RAB26: variants seen among roughly 807,000 people sequenced by gnomAD.
RAB26 encodes ras-related protein Rab-26.
Under a neutral mutation model 33.1 loss-of-function variants are expected in RAB26, and 39 were observed. The ratio of observed to expected loss-of-function variants is 1.18; its 90% confidence interval spans 0.91 to 1.54. RAB26 has a LOEUF of 1.54. Ranked by LOEUF, RAB26 falls within the 40% of genes most tolerant of loss-of-function variation. The pLI, the probability that RAB26 is intolerant of heterozygous loss-of-function variation, is 0.00. For synonymous variants in RAB26, 192 were observed against 151.9 expected (o/e 1.26, Z -1.94); for missense variants, 468 against 362.9 (o/e 1.29, Z -2.35).
At chr16:2,150,102 A>C in intron 2 of RAB26, 51 bp downstream of exon 2, 1 of 1,467,674 alleles carries the variant, frequency 6.8e-7, no homozygotes, top group Non-Finnish European at 9.2e-7. Flanking sequence ...CCGGTACCCG[A>C]GCAGCAAGTT....
chr16:2,150,096 T>C, intron 2 of RAB26, 45 bp downstream of exon 2: 1 of 1,484,368 alleles, frequency 6.7e-7, no homozygotes, highest in South Asian at 1.3e-5. Flanking sequence ...GTCCCGCCGG[T>C]ACCCGAGCAG....
Position 2,153,040 on chromosome 16 carries a change from G to T in RAB26, c.586G>T (p.Ala196Ser), listed in dbSNP as rs202090261. The change falls in exon 7 of 9, where the codon GCC becomes TCC. Residue 196 changes from alanine to serine, a missense_variant. Coordinates refer to ENST00000210187, the MANE Select transcript of RAB26 (RefSeq NM_014353.5). The stretch of plus-strand genomic sequence containing the variant: ...GAAGAGGGAGGACGGGGAGAAGCTG[G>T]CCAAGGTGAGTCAGGGCAGGGGGGT... ...VVKREDGEKL[A>S]KEYGLPFMET... is the part of the protein sequence containing the mutation. The T allele has an allele frequency of 3.2e-4, 507 of 1,606,592 alleles. 3 individuals carry two copies. The Admixed American group carries it at 4.1e-3, about 13-fold the overall frequency.
Position 2,151,843 on chromosome 16 carries a change from C to A in RAB26, c.416-13C>A, listed in dbSNP as rs9925752. The A allele has an allele frequency of 1.9e-6, 3 of 1,614,078 alleles. No individual in the cohort carries two copies. In the Admixed American group the frequency reaches 5.0e-5, roughly 27 times the overall value. On this transcript the variant is annotated splice_polypyrimidine_tract_variant and intron_variant, in intron 4 of 8. Transcript: ENST00000210187. ...AGGTGATGGTGGATGTCCTCACTGC[C>A]CTCTGTCCCCAGCTCTGCTGCTGCT... is the stretch of plus-strand genomic sequence containing the variant.
At position 2,153,068 on chromosome 16, in the gene RAB26, T is replaced by C. The variant is rs746473143; in HGVS notation, c.591+23T>C. The C allele has an allele frequency of 7.4e-6, 12 of 1,611,118 alleles. No homozygotes were observed. In the Admixed American group the frequency reaches 1.2e-4, roughly 16 times the overall value. On this transcript the variant is annotated intron_variant, in intron 7 of 8. Coordinates refer to ENST00000210187, the MANE Select transcript of RAB26 (RefSeq NM_014353.5). ...AAGGTGAGTCAGGGCAGGGGGGTGG[T>C]GAGGGGGTGCCCCTGGAGGCTGCGA...
At chr16:2,152,185 G>T (rs1017185487) in intron 5 of RAB26, among the ~76,000 whole-genome samples, 1 of 152,196 alleles carries the variant, frequency 6.6e-6, no homozygotes, top group Non-Finnish European at 1.5e-5. Flanking sequence ...CAGGCATGGC[G>T]GCTCACCTGA....
At chr16:2,150,260 T>G (rs1430342410) in intron 2 of RAB26, among the ~76,000 whole-genome samples, 1 of 152,172 alleles carries the variant, frequency 6.6e-6, no homozygotes, top group African/African-American at 2.4e-5. Context: ...AGGGACCATA[T>G]CCTGTGCCTT....
chr16:2,149,220 T>A (rs1366277440), intron 1 of RAB26, among the ~76,000 whole-genome samples: 1 of 149,920 alleles, frequency 6.7e-6, no homozygotes, highest in Non-Finnish European at 1.5e-5. Context: ...GCACAAGGGG[T>A]CCCGCGCCCC....
intron 1 of RAB26, 72 bp from the exon 2 acceptor site, chr16:2,149,869 A>C: frequency 8.2e-7 from 1 of 1,226,824 alleles, no homozygotes; most frequent in Non-Finnish European, 1.1e-6. Context: ...CCTGCTCCTC[A>C]CCTGCAGCCC....
At position 2,150,076 on chromosome 16, in the gene RAB26, C is replaced by T; in HGVS notation, c.306+25C>T. 2.6e-6 allele frequency: 4 copies of T among 1,524,476 alleles called. No individual in the cohort carries two copies. The South Asian group carries it at 5.0e-5, about 19-fold the overall frequency. 94.4% of individuals were successfully genotyped at this position (1,524,476 alleles called of 1,614,324 possible). ...GGTGAGTGGAGGCCCTGGCCTGGCC[C>T]CACATCAGAGTCCCGCCGGTACCCG... On this transcript the variant is annotated intron_variant, in intron 2 of 8. Coordinates refer to ENST00000210187, the MANE Select transcript of RAB26 (RefSeq NM_014353.5).
At chr16:2,152,693 CAAAAAAAAAAA>C (rs58347017) in intron 5 of RAB26, 116 bp from the exon 6 acceptor site, 22 of 349,738 alleles carry the variant, frequency 6.3e-5, no homozygotes, top group Non-Finnish European at 9.4e-6. Flanking sequence ...ACTCTTGTCT[CAAAAAAAAAAA>C]AAAAAAAAAA....
At chr16:2,148,434 C>T (rs2092992842), upstream of RAB26, 1 of 152,302 alleles carries the variant, frequency 6.6e-6, no homozygotes, top group Admixed American at 6.5e-5. Context: ...CCACAGCTGG[C>T]TCCTGGCCCC....
Position 2,151,926 on chromosome 16 carries a change from T to C in RAB26, c.468+18T>C. 1 of 1,614,002 alleles carries C rather than the reference T, an allele frequency of 6.2e-7. No homozygotes were observed. Among genetic ancestry groups the C allele is most frequent in the Non-Finnish European group, 8.5e-7 (1 of 1,179,982 alleles). Reference sequence around the variant, plus strand: ...ACATCCAGGTCAGTGGCTTTCCTGGTGGGGTGAAAGGGCCCTGATAGGGCC... The same window carrying C: ...ACATCCAGGTCAGTGGCTTTCCTGGCGGGGTGAAAGGGCCCTGATAGGGCC... On this transcript the variant is annotated intron_variant, in intron 5 of 8. Coordinates refer to ENST00000210187, the MANE Select transcript of RAB26 (RefSeq NM_014353.5).
Position 2,153,951 on chromosome 16 carries a change from G to A in RAB26, c.*530G>A. 2.5e-6 allele frequency: 1 copy of A among 399,160 alleles called. No individual in the cohort carries two copies. The highest frequency in any genetic ancestry group is 5.0e-6 in the Non-Finnish European group (1 of 198,060). 24.7% of individuals were successfully genotyped at this position (399,160 alleles called of 1,614,324 possible). A position where few individuals can be genotyped will look rare whatever the true frequency, so the allele number is the denominator to read the frequency against. On this transcript the variant is annotated 3_prime_UTR_variant, in exon 9 of 9. Transcript: ENST00000210187. ...AATAGGGTCTTCCTCACTGACCTTG[G>A]AGGATGCCTGTGGCCTTGTGATAAA... is the stretch of plus-strand genomic sequence containing the variant.
Position 2,148,674 on chromosome 16 carries a change from G to A in RAB26, c.-110G>A. ...TGCCGCCGCCGCCGCCGCCGCCGCC[G>A]CCGCCGCCAGGGGAAGGGTTCGGGT... On this transcript the variant is annotated 5_prime_UTR_variant, in exon 1 of 9. Coordinates refer to ENST00000210187, the MANE Select transcript of RAB26 (RefSeq NM_014353.5). 9.6e-7 allele frequency: 1 copy of A among 1,043,552 alleles called. No homozygotes were observed. The highest frequency in any genetic ancestry group is 1.2e-6 in the Non-Finnish European group (1 of 839,762). The allele number at this position is 1,043,552 out of a possible 1,614,324, so 64.6% of individuals were successfully genotyped here.
chr16:2,149,539 G>T (rs2092997712), intron 1 of RAB26, among the ~76,000 whole-genome samples: 1 of 151,896 alleles, frequency 6.6e-6, no homozygotes, highest in Non-Finnish European at 1.5e-5. Flanking sequence ...TCCTAATGGG[G>T]CAAATTCCTC....
At position 2,153,598 on chromosome 16, in the gene RAB26, C is replaced by A; in HGVS notation, c.*177C>A. On this transcript the variant is annotated 3_prime_UTR_variant, in exon 9 of 9. Coordinates refer to ENST00000210187, the MANE Select transcript of RAB26 (RefSeq NM_014353.5). ...CCCAGCAACAGTCCCAACAAGCAGGCTTCTGAGAGCCCGTGGCCGCACACT... is the reference window on the plus strand; with the variant it reads ...CCCAGCAACAGTCCCAACAAGCAGGATTCTGAGAGCCCGTGGCCGCACACT... 1 of 672,174 alleles carries A rather than the reference C, an allele frequency of 1.5e-6. No individual in the cohort carries two copies. Among genetic ancestry groups the A allele is most frequent in the South Asian group, 1.7e-5 (1 of 58,930 alleles). 41.6% of individuals were successfully genotyped at this position (672,174 alleles called of 1,614,324 possible).
intron 5 of RAB26, 95 bp from the exon 6 acceptor site, chr16:2,152,719 TAAAGAC>T: frequency 3.9e-6 from 2 of 516,368 alleles, no homozygotes; most frequent in Non-Finnish European, 6.3e-6. Flanking sequence ...AAAAAAAAGA[TAAAGAC>T]AGGTGCCCTC....
At position 2,153,436 on chromosome 16, in the gene RAB26, A is replaced by G. The variant is rs770499004; in HGVS notation, c.*15A>G. On this transcript the variant is annotated 3_prime_UTR_variant, in exon 9 of 9. Coordinates refer to ENST00000210187, the MANE Select transcript of RAB26 (RefSeq NM_014353.5). ...GCCGCCCTTGAACCTGGCTGAGCTCAGTCCTCTGGAGGAAGCCGTCCAGTC... is the reference window on the plus strand; with the variant it reads ...GCCGCCCTTGAACCTGGCTGAGCTCGGTCCTCTGGAGGAAGCCGTCCAGTC... 3 of 1,611,830 alleles carry G rather than the reference A, an allele frequency of 1.9e-6. No homozygotes were observed. The highest frequency in any genetic ancestry group is 2.5e-6 in the Non-Finnish European group (3 of 1,178,832).
chr16:2,149,935 T>A lies in RAB26; in HGVS notation c.196-6T>A, dbSNP rs2092999192. 6.5e-7 allele frequency: 1 copy of A among 1,530,926 alleles called. No homozygotes were observed. The highest frequency in any genetic ancestry group is 2.6e-5 in the East Asian group (1 of 39,028). The allele number at this position is 1,530,926 out of a possible 1,614,324, so 94.8% of individuals were successfully genotyped here. On this transcript the variant is annotated splice_region_variant and splice_polypyrimidine_tract_variant and intron_variant, in intron 1 of 8. Transcript: ENST00000210187. ...AGACTCCCCCCAACCCTCCTGCTTGTCCTAGGTCATGCTGGTGGGGGACTC... is the reference window on the plus strand; with the variant it reads ...AGACTCCCCCCAACCCTCCTGCTTGACCTAGGTCATGCTGGTGGGGGACTC...
Sources: gnomAD v4.1 joint callset for allele counts (sites outside exome capture counted in the v4.1 genomes callset) on GRCh38, gnomAD v4.1.1 for gene constraint, MANE v1.5 for transcripts, NCBI Gene and HGNC (gene_info 2026-07-23, HGNC 2026-07-21) for gene names.